TMEM229B: variants seen among roughly 807,000 people sequenced by gnomAD.
TMEM229B encodes chromosome 14 open reading frame 83.
A neutral mutation model predicts 13.7 loss-of-function variants in TMEM229B; 6 were observed. That is an observed-to-expected ratio of 0.44 (90% CI 0.24 to 0.86). The LOEUF (loss-of-function observed/expected upper bound fraction) is 0.86, where lower values mean the gene tolerates loss of function less well. Ranked by LOEUF, TMEM229B falls within the 40% of genes least tolerant of loss-of-function variation. The probability of loss-of-function intolerance (pLI) is 0.23; values close to 1 mark genes in which losing one functional copy is unlikely to be tolerated. For missense variants in TMEM229B, 170 were observed against 236.0 expected, an observed-to-expected ratio of 0.72 and a Z score of 1.83; for synonymous variants, 107 against 102.1, an observed-to-expected ratio of 1.05 and a Z score of -0.29.
chr14:67,505,237 T>C (rs2032776118), intron 1 of TMEM229B, among the ~76,000 whole-genome samples: 1 of 152,032 alleles, frequency 6.6e-6, no homozygotes, highest in African/African-American at 2.4e-5. Flanking sequence ...AAAATCTTTG[T>C]GGAGGAATTT....
chr14:67,492,840 A>G (rs1466605089), upstream of TMEM229B, among the ~76,000 whole-genome samples: 3 of 152,228 alleles, frequency 2.0e-5, no homozygotes, highest in Non-Finnish European at 4.4e-5. Flanking sequence ...GTACTGTACC[A>G]TGTGTGAACA....
chr14:67,493,482 G>A (rs779971548), upstream of TMEM229B, among the ~76,000 whole-genome samples: 15 of 152,178 alleles, frequency 9.9e-5, no homozygotes, highest in Admixed American at 3.9e-4. Context: ...GTGTGCTCTC[G>A]TGATCGTAAC....
In TMEM229B at chr14:67,473,301, T is replaced by C. The variant is rs976297161; in HGVS notation, c.*119A>G. The C allele has an allele frequency of 4.2e-6, 6 of 1,416,526 alleles. No individual in the cohort carries two copies. The African/African-American group carries it at 4.3e-5, about 10-fold the overall frequency. 87.7% of individuals were successfully genotyped at this position (1,416,526 alleles called of 1,614,324 possible). A position where few individuals can be genotyped will look rare whatever the true frequency, so the allele number is the denominator to read the frequency against. On this transcript the variant is annotated 3_prime_UTR_variant, in exon 3 of 3. Transcript: ENST00000554480. This position sits in a 1 kb window ranked among gnomAD's most constrained non-coding sequence, Gnocchi z 6.5. ...ACGTTAGGGGGCTCTGTGTGCCCTATAGGGCTGAGGCTTGGCCGGAGCAGG... is the reference window on the plus strand; with the variant it reads ...ACGTTAGGGGGCTCTGTGTGCCCTACAGGGCTGAGGCTTGGCCGGAGCAGG...
chr14:67,486,824 C>T (rs1221220031), intron 2 of TMEM229B, among the ~76,000 whole-genome samples, 176 bp downstream of exon 2: 1 of 152,174 alleles, frequency 6.6e-6, no homozygotes, highest in African/African-American at 2.4e-5. Context: ...TAAGACGGCT[C>T]CCGCATGTGA....
rs2030952287 is a variant in TMEM229B at position 67,473,747 on chromosome 14, G to A, written c.177C>T (p.Ile59=). The change falls in exon 3 of 3, where the codon ATC becomes ATT. Residue 59 remains isoleucine (I), a synonymous_variant. Coordinates refer to ENST00000554480, the MANE Select transcript of TMEM229B (RefSeq NM_001348543.2). This position sits in a 1 kb window ranked among gnomAD's most constrained non-coding sequence, Gnocchi z 6.5. The stretch of plus-strand genomic sequence containing the variant: ...GCAGCCGCAGGTACATGCGCTCCAC[G>A]ATGAGGATGGAGGTGCCGTAGATGA... ...ALFIYGTSIL[I]VERMYLRLRG... 2 of 1,613,370 alleles carry A rather than the reference G, an allele frequency of 1.2e-6. No homozygotes were observed. Among genetic ancestry groups the A allele is most frequent in the Non-Finnish European group, 1.7e-6 (2 of 1,179,724 alleles).
At chr14:67,506,712 G>T (rs185672532) in intron 1 of TMEM229B, among the ~76,000 whole-genome samples, 1 of 152,308 alleles carries the variant, frequency 6.6e-6, no homozygotes, top group African/African-American at 2.4e-5. Flanking sequence ...TGGGCCAGGA[G>T]TGGTGGCTCA....
rs146427064 is a variant in TMEM229B at position 67,473,462 on chromosome 14, G to A, written c.462C>T (p.Ser154=). Residue 154 remains serine, a synonymous_variant, in exon 3 of 3, where the codon AGC becomes AGT. Transcript: ENST00000554480. The surrounding 1 kb of genome is among the most constrained non-coding windows in gnomAD (Gnocchi z 6.5). ...GGCCGTTGGCCAGGGCTAGGGCGCC[G>A]CTGGGCTCCCCGGGCTCAGCGTCCT... is the stretch of plus-strand genomic sequence containing the variant. ...FDKDAEPGEP[S]GALALANGHV... 5 of 1,614,210 alleles carry A rather than the reference G, an allele frequency of 3.1e-6. No homozygotes were observed. In the African/African-American group the frequency reaches 5.3e-5, roughly 17 times the overall value.
chr14:67,510,316 G>A (rs185496907), intron 1 of TMEM229B, among the ~76,000 whole-genome samples: 20 of 152,352 alleles, frequency 1.3e-4, no homozygotes, highest in Admixed American at 2.0e-4. Context: ...GGTCACACAA[G>A]TGAGTGAGTC....
intron 1 of TMEM229B, among the ~76,000 whole-genome samples, chr14:67,508,704 G>A (rs924619812): frequency 4.5e-5 from 6 of 134,800 alleles, no homozygotes; most frequent in Admixed American, 9.0e-5. Flanking sequence ...CATTGAGCTG[G>A]GATTGTGCCA....
chr14:67,501,207 T>A (rs1041535190), intron 1 of TMEM229B, among the ~76,000 whole-genome samples: 19 of 151,880 alleles, frequency 1.3e-4, no homozygotes, highest in Non-Finnish European at 2.2e-4. Flanking sequence ...TGAGGACACA[T>A]CAGTTCATCC....
chr14:67,489,300 C>A (rs1165163209), upstream of TMEM229B, among the ~76,000 whole-genome samples: 1 of 152,216 alleles, frequency 6.6e-6, no homozygotes, highest in African/African-American at 2.4e-5. Context: ...ATCACCCTGT[C>A]CCCATACAAT....
chr14:67,520,748 T>C (rs1056432376), intron 1 of TMEM229B, among the ~76,000 whole-genome samples: 1 of 152,250 alleles, frequency 6.6e-6, no homozygotes, highest in Non-Finnish European at 1.5e-5. Context: ...TTGCAAGTTA[T>C]GGCAATTAAG....
upstream of TMEM229B, among the ~76,000 whole-genome samples, chr14:67,491,314 A>G (rs1451763892): frequency 6.6e-6 from 1 of 152,100 alleles, no homozygotes; most frequent in Admixed American, 6.5e-5. Flanking sequence ...CTTATTCAAG[A>G]GTTTTTATGT....
chr14:67,490,548 A>G (rs887357788), upstream of TMEM229B, among the ~76,000 whole-genome samples: 4 of 152,230 alleles, frequency 2.6e-5, no homozygotes, highest in African/African-American at 4.8e-5. Context: ...TTTCATGCAC[A>G]TAGGATTCAC....
intron 1 of TMEM229B, among the ~76,000 whole-genome samples, chr14:67,524,700 C>G (rs1370673365): frequency 2.0e-5 from 3 of 152,180 alleles, no homozygotes; most frequent in African/African-American, 7.2e-5. Flanking sequence ...TCCTTCAAGC[C>G]TTGGACAACC....
chr14:67,489,216 C>A (rs1239036287), upstream of TMEM229B, among the ~76,000 whole-genome samples: 1 of 152,154 alleles, frequency 6.6e-6, no homozygotes, highest in Non-Finnish European at 1.5e-5. Flanking sequence ...AATGAAAACA[C>A]AGAGGGTTCA....
chr14:67,511,970 C>A (rs2033041467), intron 1 of TMEM229B, among the ~76,000 whole-genome samples: 1 of 152,240 alleles, frequency 6.6e-6, no homozygotes, highest in Admixed American at 6.5e-5. Flanking sequence ...TGAATCACAG[C>A]AGCATGGGGC....
intron 2 of TMEM229B, among the ~76,000 whole-genome samples, chr14:67,485,839 C>T (rs1412942878): frequency 6.6e-6 from 1 of 152,248 alleles, no homozygotes; most frequent in Non-Finnish European, 1.5e-5. Flanking sequence ...GGAGGAGATG[C>T]TGCTGCTGAT....
At chr14:67,489,727 A>T (rs1744093547), upstream of TMEM229B, among the ~76,000 whole-genome samples, 5 of 152,202 alleles carry the variant, frequency 3.3e-5, no homozygotes, top group Non-Finnish European at 7.3e-5. Context: ...GCGGTGGCTC[A>T]CGCCTGTAAT....
Sources: gnomAD v4.1 joint callset for allele counts (sites outside exome capture counted in the v4.1 genomes callset) on GRCh38, gnomAD v4.1.1 for gene constraint, Gnocchi (gnomAD v3.1) non-coding constraint, MANE v1.5 for transcripts, NCBI Gene and HGNC (gene_info 2026-07-23, HGNC 2026-07-21) for gene names.